GPHN: variants seen among roughly 807,000 people sequenced by gnomAD.
The protein encoded by GPHN is gephyrin.
Under a neutral mutation model 95.5 loss-of-function variants are expected in GPHN, and 17 were observed. The ratio of observed to expected loss-of-function variants is 0.18; its 90% CI spans 0.12 to 0.27. The LOEUF (loss-of-function observed/expected upper bound fraction) is 0.27. Ranked by LOEUF, GPHN falls within the 10% of genes least tolerant of loss-of-function variation. The probability of loss-of-function intolerance (pLI) is 1.00; values close to 1 mark genes in which losing one functional copy is unlikely to be tolerated. For synonymous variants in GPHN, 320 were observed against 322.5 expected (o/e 0.99, Z 0.08); for missense variants, 660 against 978.1 (o/e 0.67, Z 4.34).
intron 1 of GPHN, among the ~76,000 whole-genome samples, chr14:66,599,646 A>G (rs969526805): frequency 1.3e-5 from 2 of 151,664 alleles, no homozygotes; most frequent in Admixed American, 6.6e-5. Context: ...AATAAAGATT[A>G]CTTTCCTTCT....
chr14:66,969,427 C>A (rs749540657), intron 9 of GPHN: 3 of 152,110 alleles, frequency 2.0e-5, no homozygotes, highest in Non-Finnish European at 2.9e-5. Context: ...TTGATAAATT[C>A]TCTTTTAAAG....
At chr14:67,020,735 G>T (rs2073575551) in intron 9 of GPHN, among the ~76,000 whole-genome samples, 1 of 152,040 alleles carries the variant, frequency 6.6e-6, no homozygotes, top group Admixed American at 6.6e-5. Context: ...CAGTTGAAAG[G>T]GGAATTATTT....
chr14:67,285,614 C>T, the GPHN span, among the ~76,000 whole-genome samples: 10 of 152,088 alleles, frequency 6.6e-5, no homozygotes, highest in East Asian at 1.9e-4. Flanking sequence ...CTGATCCAGC[C>T]GCCTCGGTCT....
intron 1 of GPHN, among the ~76,000 whole-genome samples, chr14:66,657,576 A>G (rs1342642670): frequency 6.6e-6 from 1 of 152,192 alleles, no homozygotes; most frequent in Non-Finnish European, 1.5e-5. Flanking sequence ...TGGTAACTTT[A>G]AATTGAAGCC....
intron 3 of GPHN, among the ~76,000 whole-genome samples, chr14:66,800,820 C>T (rs1436005436): frequency 1.3e-5 from 2 of 151,972 alleles, no homozygotes; most frequent in African/African-American, 4.8e-5. Context: ...CTTTTTAGGC[C>T]TGTAACTCTT....
chr14:67,727,055 T>G, the GPHN span: 1 of 1,614,066 alleles, frequency 6.2e-7, no homozygotes. Flanking sequence ...TAATGTGTCC[T>G]CGGTGGCTCA....
At chr14:66,955,806 T>C (rs10873198) in intron 8 of GPHN, among the ~76,000 whole-genome samples, 24,481 of 152,134 alleles carry the variant, frequency 0.16, 3,821 homozygotes, top group East Asian at 0.45. Flanking sequence ...CATGCGGTGT[T>C]TGGATTTTTG....
At chr14:67,686,289 C>T in the GPHN span, 2 of 152,192 alleles carry the variant, frequency 1.3e-5, no homozygotes, top group Non-Finnish European at 1.5e-5. Flanking sequence ...TACTTACAAC[C>T]TCACAGGGTA....
At chr14:67,104,649 C>A (rs1244936013) in intron 13 of GPHN, among the ~76,000 whole-genome samples, 1 of 152,020 alleles carries the variant, frequency 6.6e-6, no homozygotes, top group Non-Finnish European at 1.5e-5. Context: ...GCATGTAGTT[C>A]TTCATAGTAG....
chr14:67,398,606 T>C, the GPHN span, among the ~76,000 whole-genome samples: 1 of 148,864 alleles, frequency 6.7e-6, no homozygotes, highest in Non-Finnish European at 1.5e-5. Context: ...CTTCTCTTTA[T>C]TCCTGCCACC....
chr14:66,692,658 T>C (rs2067857892), intron 2 of GPHN, among the ~76,000 whole-genome samples: 1 of 152,220 alleles, frequency 6.6e-6, no homozygotes, highest in African/African-American at 2.4e-5. Context: ...ACCATTTTTA[T>C]ATGACCATTG....
At chr14:66,962,537 T>C (rs915568400) in intron 8 of GPHN, among the ~76,000 whole-genome samples, 23 of 151,862 alleles carry the variant, frequency 1.5e-4, no homozygotes, top group Admixed American at 1.4e-3. Flanking sequence ...CTTCCCCTTA[T>C]TCTCATCAAT....
the GPHN span, among the ~76,000 whole-genome samples, chr14:67,371,053 G>A: frequency 6.6e-6 from 1 of 152,096 alleles, no homozygotes; most frequent in African/African-American, 2.4e-5. Flanking sequence ...AGGCCAGATG[G>A]TTAAATTGAT....
intron 2 of GPHN, among the ~76,000 whole-genome samples, chr14:66,757,713 G>A (rs2058615419): frequency 6.6e-6 from 1 of 152,132 alleles, no homozygotes; most frequent in Non-Finnish European, 1.5e-5. Flanking sequence ...TATGCATAGA[G>A]GGACACATAA....
intron 2 of GPHN, among the ~76,000 whole-genome samples, chr14:66,771,749 C>T (rs2059183988): frequency 7.6e-6 from 1 of 132,006 alleles, no homozygotes; most frequent in Non-Finnish European, 1.6e-5. Context: ...CAACAGTCCC[C>T]AGAGTGTGAT....
chr14:66,674,047 A>G (rs2066447483), intron 1 of GPHN, among the ~76,000 whole-genome samples: 1 of 151,670 alleles, frequency 6.6e-6, no homozygotes, highest in African/African-American at 2.4e-5. Flanking sequence ...AATTCTAGTC[A>G]TCCATATTTA....
chr14:67,122,074 T>C (rs1390170641), intron 16 of GPHN, among the ~76,000 whole-genome samples, 182 bp from the exon 17 acceptor site: 1 of 152,194 alleles, frequency 6.6e-6, no homozygotes, highest in Non-Finnish European at 1.5e-5. Context: ...CATAGGAACA[T>C]TTTCTCATCC....
the GPHN span, among the ~76,000 whole-genome samples, chr14:67,316,434 C>T: frequency 2.0e-5 from 3 of 152,072 alleles, no homozygotes; most frequent in Admixed American, 6.5e-5. Flanking sequence ...GTGATGAATG[C>T]GCACATGTTG....
At chr14:66,598,650 G>A (rs1468682226) in intron 1 of GPHN, among the ~76,000 whole-genome samples, 1 of 152,064 alleles carries the variant, frequency 6.6e-6, no homozygotes, top group Non-Finnish European at 1.5e-5. Flanking sequence ...TTCAAGACCA[G>A]CCTGACCAAC....
Sources: allele counts gnomAD v4.1 joint callset (sites outside exome capture counted in the v4.1 genomes callset), GRCh38; gene constraint gnomAD v4.1.1; transcripts MANE v1.5; gene names NCBI Gene and HGNC (gene_info 2026-07-23, HGNC 2026-07-21).